The following CCSER1 variants were observed in gnomAD, a reference collection of about 807,000 sequenced individuals.
The protein encoded by CCSER1 is coiled-coil serine rich protein 1, also known as serine-rich coiled-coil domain-containing protein 1.
Under a neutral mutation model 82.0 loss-of-function variants are expected in CCSER1, and 41 were observed. The ratio of observed to expected loss-of-function variants is 0.50; its 90% CI spans 0.39 to 0.65. CCSER1 has a LOEUF of 0.65. Ranked by LOEUF, CCSER1 falls within the 30% of genes least tolerant of loss-of-function variation. The pLI is 0.00. For missense variants in CCSER1, 1,119 were observed against 1,064.2 expected, an observed-to-expected ratio of 1.05 and a Z score of -0.72; for synonymous variants, 414 against 383.9, an observed-to-expected ratio of 1.08 and a Z score of -0.92.
intron 10 of CCSER1, among the ~76,000 whole-genome samples, chr4:91,145,860 C>T (rs1296729390): frequency 6.6e-6 from 1 of 152,042 alleles, no homozygotes; most frequent in Admixed American, 6.6e-5. Context: ...GTGATATGAC[C>T]CTTTTGTTTA....
At chr4:90,143,939 C>T (rs1021902416) in intron 1 of CCSER1, among the ~76,000 whole-genome samples, 6 of 152,146 alleles carry the variant, frequency 3.9e-5, no homozygotes, top group Admixed American at 3.3e-4. Flanking sequence ...GTCCTCCCAC[C>T]TCAGCCTCCC....
chr4:90,740,593 C>T (rs1276929607), intron 7 of CCSER1, among the ~76,000 whole-genome samples: 1 of 152,054 alleles, frequency 6.6e-6, no homozygotes, highest in Non-Finnish European at 1.5e-5. Flanking sequence ...ACACACTGTC[C>T]AAATCATTTC....
chr4:90,207,236 T>C (rs1739033125), intron 1 of CCSER1, among the ~76,000 whole-genome samples: 1 of 151,798 alleles, frequency 6.6e-6, no homozygotes, highest in Admixed American at 6.6e-5. Context: ...TTATGATGCA[T>C]TAAGTTGATC....
At chr4:90,320,821 A>G (rs1737024440) in intron 3 of CCSER1, among the ~76,000 whole-genome samples, 2 of 152,178 alleles carry the variant, frequency 1.3e-5, no homozygotes, top group Non-Finnish European at 2.9e-5. Context: ...AATTAGTAAT[A>G]GTTTATTCAT....
At chr4:91,411,491 CATATATATATATATATATATA>C (rs1753023068) in intron 10 of CCSER1, among the ~76,000 whole-genome samples, 1 of 53,808 alleles carries the variant, frequency 1.9e-5, no homozygotes, top group African/African-American at 8.0e-5. Flanking sequence ...TGCATATATA[CATATATATATATATATATATA>C]TATATATATA....
In CCSER1 at chr4:91,308,053, G is replaced by A. The variant is rs1270338966; in HGVS notation, c.2217+222059G>A. Reference sequence around the variant, plus strand: ...TAGTTCCCTTCACTGCTAAAATTTTGGAAAATAATCATCCCACCCCAAATC... The same window carrying A: ...TAGTTCCCTTCACTGCTAAAATTTTAGAAAATAATCATCCCACCCCAAATC... On this transcript the variant is annotated intron_variant, in intron 10 of 10. Transcript: ENST00000509176. Among the ~76,000 whole-genome samples the A allele has an allele frequency of 8.6e-5, 13 of 151,840 alleles. No homozygotes were observed. The East Asian group carries it at 2.5e-3, about 30-fold the overall frequency.
chr4:91,596,837 A>G (rs1317155601), intron 10 of CCSER1, among the ~76,000 whole-genome samples: 2 of 151,980 alleles, frequency 1.3e-5, no homozygotes, highest in Admixed American at 6.6e-5. Context: ...ACAAAAATAT[A>G]AATAAGTAAA....
At chr4:90,201,048 C>T (rs1222793115) in intron 1 of CCSER1, among the ~76,000 whole-genome samples, 1 of 152,074 alleles carries the variant, frequency 6.6e-6, no homozygotes, top group East Asian at 1.9e-4. Flanking sequence ...CAAACCTTGT[C>T]CAGGAATATG....
At chr4:91,502,629 T>C (rs891209447) in intron 10 of CCSER1, among the ~76,000 whole-genome samples, 23 of 152,206 alleles carry the variant, frequency 1.5e-4, no homozygotes, top group African/African-American at 5.1e-4. Flanking sequence ...TTGCCAATTA[T>C]TCATCATTAA....
intron 3 of CCSER1, among the ~76,000 whole-genome samples, chr4:90,353,986 T>C (rs565467525): frequency 1.3e-5 from 2 of 152,330 alleles, no homozygotes; most frequent in African/African-American, 4.8e-5. Context: ...CAAAGAGATA[T>C]CTGCACGCCG....
intron 9 of CCSER1, among the ~76,000 whole-genome samples, chr4:91,009,263 AG>A (rs907365989): frequency 6.6e-6 from 1 of 152,228 alleles, no homozygotes; most frequent in African/African-American, 2.4e-5. Context: ...GGGGACCCAA[AG>A]AGGGTAGCCG....
At chr4:90,524,441 T>G (rs1773498243) in intron 5 of CCSER1, among the ~76,000 whole-genome samples, 1 of 152,172 alleles carries the variant, frequency 6.6e-6, no homozygotes, top group Admixed American at 6.5e-5. Flanking sequence ...TCTTGCATTC[T>G]TCAGCATGAA....
chr4:91,164,977 G>T (rs573110549), intron 10 of CCSER1, among the ~76,000 whole-genome samples: 2 of 152,276 alleles, frequency 1.3e-5, no homozygotes, highest in South Asian at 2.1e-4. Context: ...TCCATTGCTG[G>T]CGAGGAGCTG....
At position 90,309,149 on chromosome 4, in the gene CCSER1, C is replaced by G; in HGVS notation, c.865C>G (p.His289Asp). 6.2e-7 allele frequency: 1 copy of G among 1,613,908 alleles called. No individual in the cohort carries two copies. Among genetic ancestry groups the G allele is most frequent in the Non-Finnish European group, 8.5e-7 (1 of 1,179,844 alleles). ...GGCATCCCACTGTGACAACTTTGGC[C>G]ACAATGATTCTACCTCTCAGATGTC... ...SMASHCDNFGHNDSTSQMSLN... is the reference protein window; with the variant it reads ...SMASHCDNFGDNDSTSQMSLN... Residue 289 changes from histidine to aspartate, a missense_variant, in exon 2 of 11, where the codon CAC becomes GAC. Physicochemically the swap from His to Asp is moderately conservative, Grantham distance 81. Coordinates refer to ENST00000509176, the MANE Select transcript of CCSER1 (RefSeq NM_001145065.2).
chr4:90,657,330 G>T (rs1579761324), intron 6 of CCSER1, among the ~76,000 whole-genome samples: 1 of 151,930 alleles, frequency 6.6e-6, no homozygotes. Context: ...TTTCTCTGGC[G>T]TCTTTTAACC....
chr4:91,305,637 C>T (rs1170709573), intron 10 of CCSER1, among the ~76,000 whole-genome samples: 1 of 151,004 alleles, frequency 6.6e-6, no homozygotes, highest in South Asian at 2.1e-4. Context: ...GAATTATTTT[C>T]TGTTTTTGTC....
chr4:90,529,195 A>G (rs1431253890), intron 5 of CCSER1, among the ~76,000 whole-genome samples: 1 of 151,974 alleles, frequency 6.6e-6, no homozygotes, highest in Non-Finnish European at 1.5e-5. Context: ...TTGACTTTGT[A>G]ATCACTATTT....
At chr4:90,404,461 T>C (rs931937890) in intron 4 of CCSER1, among the ~76,000 whole-genome samples, 1 of 152,156 alleles carries the variant, frequency 6.6e-6, no homozygotes, top group East Asian at 1.9e-4. Context: ...ACCTGAATAC[T>C]TAACCAAGTG....
At chr4:91,139,699 A>T (rs1728843066) in intron 10 of CCSER1, among the ~76,000 whole-genome samples, 1 of 152,204 alleles carries the variant, frequency 6.6e-6, no homozygotes, top group South Asian at 2.1e-4. Flanking sequence ...AGTAGAGCTG[A>T]TATGTGAAAT....
Sources: allele counts gnomAD v4.1 joint callset (sites outside exome capture counted in the v4.1 genomes callset), GRCh38; gene constraint gnomAD v4.1.1; transcripts MANE v1.5; gene names NCBI Gene and HGNC (gene_info 2026-07-23, HGNC 2026-07-21).